The following RNF212B variants were observed in gnomAD, a reference collection of about 807,000 sequenced individuals.
RNF212B encodes E3 ubiquitin-protein ligase RNF212B.
RNF212B carries 52 observed loss-of-function variants against 55.5 expected under a neutral mutation model. The ratio of observed to expected loss-of-function variants is 0.94; its 90% CI spans 0.75 to 1.18. The LOEUF is 1.18. Among genes scored for constraint, RNF212B ranks in the 50% most tolerant of loss-of-function variants. RNF212B has a pLI of 0.00. For synonymous variants in RNF212B, 99 were observed against 121.4 expected (o/e 0.82, Z 1.21); for missense variants, 289 against 350.4 (o/e 0.82, Z 1.40).
intron 4 of RNF212B, among the ~76,000 whole-genome samples, chr14:23,248,231 G>A (rs1161449612): frequency 3.3e-5 from 5 of 151,550 alleles, no homozygotes; most frequent in South Asian, 2.1e-4. Context: ...GAGCTCAGGC[G>A]ATCCTCTCAC....
intron 1 of RNF212B, among the ~76,000 whole-genome samples, chr14:23,187,643 A>G (rs557653602): frequency 6.6e-6 from 1 of 152,226 alleles, no homozygotes; most frequent in South Asian, 2.1e-4. Flanking sequence ...TGCTTTTTGT[A>G]ACAGAGCTGG....
At chr14:23,255,388 A>T (rs563469109) in intron 4 of RNF212B, among the ~76,000 whole-genome samples, 1 of 152,342 alleles carries the variant, frequency 6.6e-6, no homozygotes, top group East Asian at 1.9e-4. Flanking sequence ...GAAGACCATG[A>T]TATCCTTACC....
At chr14:23,244,223 G>T in intron 3 of RNF212B, 99 bp from the exon 4 acceptor site, 1 of 643,574 alleles carries the variant, frequency 1.6e-6, no homozygotes, top group Non-Finnish European at 2.6e-6. Flanking sequence ...GATAATGTCA[G>T]GTACATTAGA....
At chr14:23,196,679 C>T (rs551213397) in intron 2 of RNF212B, among the ~76,000 whole-genome samples, 1 of 152,266 alleles carries the variant, frequency 6.6e-6, no homozygotes, top group South Asian at 2.1e-4. Flanking sequence ...TGGTCTCAAG[C>T]AATCCTCCTG....
intron 2 of RNF212B, among the ~76,000 whole-genome samples, chr14:23,242,993 A>G (rs1203591425): frequency 6.6e-6 from 1 of 151,760 alleles, no homozygotes; most frequent in African/African-American, 2.4e-5. Context: ...AAAAAGTAAA[A>G]TAAAATTTAA....
At chr14:23,206,702 A>G (rs1040587502) in intron 2 of RNF212B, among the ~76,000 whole-genome samples, 4 of 152,196 alleles carry the variant, frequency 2.6e-5, no homozygotes, top group Admixed American at 2.6e-4. Context: ...ATCATAAGGT[A>G]GAGAGAGAAA....
intron 14 of RNF212B, among the ~76,000 whole-genome samples, 156 bp downstream of exon 14, chr14:23,270,817 A>T (rs975184685): frequency 2.6e-5 from 4 of 152,202 alleles, no homozygotes; most frequent in Non-Finnish European, 5.9e-5. Context: ...AATGGTCTCA[A>T]TTTCAGATTT....
At chr14:23,213,218 C>G (rs1021403591) in intron 2 of RNF212B, among the ~76,000 whole-genome samples, 2 of 151,694 alleles carry the variant, frequency 1.3e-5, no homozygotes, top group Non-Finnish European at 2.9e-5. Flanking sequence ...GAGGCTGAGG[C>G]AGGAGAATGG....
chr14:23,262,405 A>C (rs994254567), intron 7 of RNF212B, among the ~76,000 whole-genome samples: 1 of 152,244 alleles, frequency 6.6e-6, no homozygotes, highest in African/African-American at 2.4e-5. Flanking sequence ...TGAGGAGAGA[A>C]GAAAGGTGTA....
chr14:23,252,254 T>G (rs890270469), intron 4 of RNF212B, among the ~76,000 whole-genome samples: 6 of 152,036 alleles, frequency 3.9e-5, no homozygotes, highest in Non-Finnish European at 8.8e-5. Flanking sequence ...TAACAAAAGA[T>G]GCTCCTATCA....
At chr14:23,216,618 G>A (rs1466186606) in intron 2 of RNF212B, among the ~76,000 whole-genome samples, 2 of 150,332 alleles carry the variant, frequency 1.3e-5, no homozygotes, top group African/African-American at 2.4e-5. Context: ...GGTGGCTCAC[G>A]CCTGTAATCC....
intron 2 of RNF212B, among the ~76,000 whole-genome samples, chr14:23,225,885 A>G (rs1380545275): frequency 6.6e-6 from 1 of 152,156 alleles, no homozygotes; most frequent in African/African-American, 2.4e-5. Flanking sequence ...GGGGATCGAT[A>G]CCCTATCTTT....
chr14:23,224,869 A>G (rs1013591965), intron 2 of RNF212B, among the ~76,000 whole-genome samples: 5 of 152,232 alleles, frequency 3.3e-5, no homozygotes, highest in African/African-American at 1.2e-4. Context: ...CAAGGGATTA[A>G]TAACTAGACT....
intron 1 of RNF212B, among the ~76,000 whole-genome samples, chr14:23,191,022 C>A (rs1878067295): frequency 6.6e-6 from 1 of 152,184 alleles, no homozygotes; most frequent in African/African-American, 2.4e-5. Context: ...CTGCAAATAT[C>A]ACCTGCTCAA....
chr14:23,199,882 T>A (rs1341468289), intron 2 of RNF212B, among the ~76,000 whole-genome samples: 1 of 152,096 alleles, frequency 6.6e-6, no homozygotes, highest in Non-Finnish European at 1.5e-5. Context: ...ACAGCTTAGT[T>A]TTCAGTGACT....
intron 2 of RNF212B, among the ~76,000 whole-genome samples, chr14:23,205,504 T>C (rs1307217288): frequency 6.6e-6 from 1 of 152,216 alleles, no homozygotes; most frequent in Non-Finnish European, 1.5e-5. Context: ...TTACGAAAAC[T>C]GTGATAGTCA....
chr14:23,195,910 G>A (rs1878615624), intron 2 of RNF212B, among the ~76,000 whole-genome samples: 1 of 152,176 alleles, frequency 6.6e-6, no homozygotes, highest in South Asian at 2.1e-4. Context: ...CACACACAAT[G>A]GCAGAGCTGT....
chr14:23,259,363 A>ATTTTTTTTTTTTT (rs759972174), intron 5 of RNF212B: 1 of 114,248 alleles, frequency 8.8e-6, no homozygotes, highest in African/African-American at 3.2e-5. Flanking sequence ...TAATTTTTGT[A>ATTTTTTTTTTTTT]TTTTTTTTTT....
In RNF212B at chr14:23,269,875, C is replaced by T. The variant is rs1165498292; in HGVS notation, c.687C>T (p.Ala229=). 1 of 1,543,198 alleles carries T rather than the reference C, an allele frequency of 6.5e-7. No individual in the cohort carries two copies. Among genetic ancestry groups the T allele is most frequent in the East Asian group, 2.4e-5 (1 of 40,874 alleles). ...THSLSYRTSS[A]SSGQGIFSFR... ...TTGCTTTCCTTAGAACTTCATCTGC[C>T]TCCTCTGGACAGGGGATTTTTTCTT... The change falls in exon 13 of 15, where the codon GCC becomes GCT. Residue 229 remains alanine (A), a synonymous_variant. Coordinates refer to ENST00000430154, the MANE Select transcript of RNF212B (RefSeq NM_001282322.3).
Sources: gnomAD v4.1 joint callset for allele counts (sites outside exome capture counted in the v4.1 genomes callset) on GRCh38, gnomAD v4.1.1 for gene constraint, MANE v1.5 for transcripts, NCBI Gene and HGNC (gene_info 2026-07-23, HGNC 2026-07-21) for gene names.